Variants in CEP70 observed in about 807,000 individuals in gnomAD.
CEP70 encodes the protein centrosomal protein 70.
Under a neutral mutation model 90.9 loss-of-function variants are expected in CEP70, and 70 were observed. The ratio of observed to expected loss-of-function variants is 0.77; its 90% CI spans 0.64 to 0.94. CEP70 has a LOEUF of 0.94. CEP70 is among the 40% of genes least tolerant of loss of function. The pLI is 0.00. For missense variants in CEP70, 648 were observed against 669.0 expected, an observed-to-expected ratio of 0.97 and a Z score of 0.35; for synonymous variants, 220 against 228.3, an observed-to-expected ratio of 0.96 and a Z score of 0.33.
chr3:138,518,903 G>C lies in CEP70; in HGVS notation c.944+6587C>G, dbSNP rs562094241. Among the ~76,000 whole-genome samples the C allele has an allele frequency of 4.6e-5, 7 of 152,212 alleles. No homozygotes were observed. In the East Asian group the frequency reaches 1.2e-3, roughly 25 times the overall value. ...TACTCCGAGCTAAAGGAGGAAGTTTGAACCCAAGGCAAAGAAGTTAAAAAC... is the reference window on the plus strand; with the variant it reads ...TACTCCGAGCTAAAGGAGGAAGTTTCAACCCAAGGCAAAGAAGTTAAAAAC... On this transcript the variant is annotated intron_variant, in intron 11 of 17. Transcript: ENST00000264982.
intron 2 of CEP70, among the ~76,000 whole-genome samples, chr3:138,574,660 G>T (rs146350897): frequency 1.3e-5 from 2 of 152,180 alleles, no homozygotes; most frequent in Non-Finnish European, 2.9e-5. Flanking sequence ...CCTGACCTCC[G>T]TGTAGCCTAA....
At chr3:138,552,570 A>T (rs1232204179) in intron 6 of CEP70, among the ~76,000 whole-genome samples, 1 of 152,214 alleles carries the variant, frequency 6.6e-6, no homozygotes, top group Non-Finnish European at 1.5e-5. Flanking sequence ...CTGCTCCTGA[A>T]TGATCATTGG....
intron 8 of CEP70, chr3:138,531,619 G>A (rs975391562): frequency 1.4e-4 from 22 of 151,778 alleles, no homozygotes; most frequent in African/African-American, 4.8e-4. Flanking sequence ...ATAAAATGCT[G>A]CTTTCTGAAA....
chr3:138,569,478 C>T (rs1185697917), intron 6 of CEP70, among the ~76,000 whole-genome samples: 5 of 152,104 alleles, frequency 3.3e-5, no homozygotes, highest in African/African-American at 1.2e-4. Flanking sequence ...ACAATAAACA[C>T]CCAAGTTTTA....
chr3:138,584,422 C>G (rs910078406), intron 2 of CEP70, among the ~76,000 whole-genome samples: 3 of 146,250 alleles, frequency 2.1e-5, no homozygotes, highest in Non-Finnish European at 3.0e-5. Context: ...TTCTATGAGG[C>G]CAGTATTACC....
intron 2 of CEP70, among the ~76,000 whole-genome samples, chr3:138,577,179 A>G (rs1311993875): frequency 1.3e-5 from 2 of 150,442 alleles, no homozygotes; most frequent in African/African-American, 4.9e-5. Context: ...GGAACATCAC[A>G]CACCAGGGCC....
rs572136113 is a variant in CEP70, at chr3:138,515,941, C to G, written c.945-7397G>C. On this transcript the variant is annotated intron_variant, in intron 11 of 17. Transcript: ENST00000264982. ...AGGTTAAAACTCGGGAGACTTCTGA[C>G]TCTTCCTTTTCCCCCACAACTCCCT... 1.1e-4 allele frequency among the ~76,000 whole-genome samples: 17 copies of G among 152,250 alleles called. No individual in the cohort carries two copies. The South Asian group carries it at 1.9e-3, about 17-fold the overall frequency.
At chr3:138,541,450 C>G (rs1434100829) in intron 6 of CEP70, among the ~76,000 whole-genome samples, 1 of 149,532 alleles carries the variant, frequency 6.7e-6, no homozygotes, top group African/African-American at 2.5e-5. Context: ...AACCTGTCAA[C>G]CAAGAATATT....
chr3:138,525,713 T>A, intron 10 of CEP70, 149 bp from the exon 11 acceptor site: 1 of 362,296 alleles, frequency 2.8e-6, no homozygotes, highest in Non-Finnish European at 4.9e-6. Flanking sequence ...TAATTTGGAG[T>A]TTACTGGCCA....
chr3:138,540,144 A>T (rs2038629396), intron 6 of CEP70, among the ~76,000 whole-genome samples: 1 of 152,172 alleles, frequency 6.6e-6, no homozygotes, highest in South Asian at 2.1e-4. Flanking sequence ...TCGGCAAAGG[A>T]CAAGAATAGA....
chr3:138,535,218 T>C (rs2038162936), intron 7 of CEP70, among the ~76,000 whole-genome samples: 1 of 152,212 alleles, frequency 6.6e-6, no homozygotes, highest in Non-Finnish European at 1.5e-5. Flanking sequence ...TTTCCTGTTA[T>C]CATATTTCTC....
At chr3:138,523,373 A>T (rs1362053200) in intron 11 of CEP70, among the ~76,000 whole-genome samples, 1 of 152,184 alleles carries the variant, frequency 6.6e-6, no homozygotes, top group Non-Finnish European at 1.5e-5. Flanking sequence ...AGTTCTGGCC[A>T]GGGCAATCAG....
At chr3:138,590,114 A>T (rs889780553) in intron 2 of CEP70, among the ~76,000 whole-genome samples, 5 of 152,024 alleles carry the variant, frequency 3.3e-5, no homozygotes, top group Admixed American at 6.6e-5. Flanking sequence ...AATGAGAAGA[A>T]CATAAGCCAA....
At chr3:138,520,150 G>T (rs1300358406) in intron 11 of CEP70, among the ~76,000 whole-genome samples, 1 of 152,158 alleles carries the variant, frequency 6.6e-6, no homozygotes, top group Non-Finnish European at 1.5e-5. Context: ...AAATATATAT[G>T]CATCCAATAC....
Position 138,567,783 on chromosome 3 carries a change from T to G in CEP70, c.465+2535A>C, listed in dbSNP as rs546142429. Among the ~76,000 whole-genome samples, 4 of 152,320 alleles carry G rather than the reference T, an allele frequency of 2.6e-5. No individual in the cohort carries two copies. The South Asian group carries it at 8.3e-4, about 32-fold the overall frequency. On this transcript the variant is annotated intron_variant, in intron 6 of 17. Coordinates refer to ENST00000264982, the MANE Select transcript of CEP70 (RefSeq NM_024491.4). Reference sequence around the variant, plus strand: ...TCTAGCAACCTCTTTAAGCCCAACATCCATGGGTTTCTCCCATGTATATAT... The same window carrying G: ...TCTAGCAACCTCTTTAAGCCCAACAGCCATGGGTTTCTCCCATGTATATAT...
At chr3:138,536,119 A>C (rs568294767) in intron 7 of CEP70, among the ~76,000 whole-genome samples, 2 of 152,248 alleles carry the variant, frequency 1.3e-5, no homozygotes, top group Admixed American at 6.5e-5. Flanking sequence ...CTAGGTAAAC[A>C]TATAATACCG....
intron 2 of CEP70, among the ~76,000 whole-genome samples, chr3:138,585,596 A>G (rs1235688792): frequency 1.3e-5 from 2 of 152,216 alleles, no homozygotes; most frequent in African/African-American, 4.8e-5. Context: ...ATCCTGAGCA[A>G]AAAGAATAAA....
At position 138,571,176 on chromosome 3, in the gene CEP70, T is replaced by C. The variant is rs200868292; in HGVS notation, c.161-19A>G. The C allele has an allele frequency of 2.6e-4, 412 of 1,556,644 alleles. 1 individual carries two copies. In the African/African-American group the frequency reaches 5.2e-3, roughly 20 times the overall value. On this transcript the variant is annotated intron_variant, in intron 4 of 17. Transcript: ENST00000264982. Reference sequence around the variant, plus strand: ...ATGAGATCTACATTTAAAAAGTATATAATACAGATAGTAAAAATAAAAGGC... The same window carrying C: ...ATGAGATCTACATTTAAAAAGTATACAATACAGATAGTAAAAATAAAAGGC...
rs1287729464 is a variant in CEP70, at chr3:138,524,644, C to G, written c.944+846G>C. Among the ~76,000 whole-genome samples, 8 of 152,264 alleles carry G rather than the reference C, an allele frequency of 5.3e-5. No homozygotes were observed. In the South Asian group the frequency reaches 1.7e-3, roughly 32 times the overall value. On this transcript the variant is annotated intron_variant, in intron 11 of 17. Coordinates refer to ENST00000264982, the MANE Select transcript of CEP70 (RefSeq NM_024491.4). ...TTCTCAAAAGAAGACATTTATGCAG[C>G]CAAAAGACACGTGAAAAAATGCTCA...
Sources: gnomAD v4.1 joint callset for allele counts (sites outside exome capture counted in the v4.1 genomes callset) on GRCh38, gnomAD v4.1.1 for gene constraint, MANE v1.5 for transcripts, NCBI Gene and HGNC (gene_info 2026-07-23, HGNC 2026-07-21) for gene names.